Variants in KLHL29 observed in about 807,000 individuals in gnomAD.
KLHL29 encodes the protein kelch like family member 29.
Under a neutral mutation model 80.4 loss-of-function variants are expected in KLHL29, and 21 were observed. The observed-to-expected ratio is 0.26, with a 90% CI of 0.19 to 0.38. KLHL29 has a LOEUF of 0.38. Among genes scored for constraint, KLHL29 ranks in the 10% least tolerant of loss-of-function variants. KLHL29 has a pLI of 1.00. For missense variants in KLHL29, 867 were observed against 1,223.9 expected (o/e 0.71, Z 4.35); for synonymous variants, 511 against 526.8 (o/e 0.97, Z 0.41).
chr2:23,584,043 G>C (rs1235298486), intron 3 of KLHL29, among the ~76,000 whole-genome samples: 1 of 152,076 alleles, frequency 6.6e-6, no homozygotes, highest in Non-Finnish European at 1.5e-5. Flanking sequence ...ATCCACGGTG[G>C]GCCTTCTAGA....
intron 2 of KLHL29, among the ~76,000 whole-genome samples, chr2:23,512,296 T>G (rs1163140270): frequency 6.6e-6 from 1 of 152,024 alleles, no homozygotes; most frequent in Non-Finnish European, 1.5e-5. Context: ...AAATACAAAA[T>G]TAGCTGGGCA....
chr2:23,613,712 C>T (rs1031558571), intron 3 of KLHL29, among the ~76,000 whole-genome samples: 2 of 138,746 alleles, frequency 1.4e-5, no homozygotes, highest in Non-Finnish European at 3.0e-5. Context: ...TGCAGTGAGC[C>T]GAGATCGCGC....
chr2:23,464,468 G>T (rs1664295526), intron 1 of KLHL29, among the ~76,000 whole-genome samples: 1 of 152,180 alleles, frequency 6.6e-6, no homozygotes. Context: ...TCCCCAGTGG[G>T]TGAGATTGGC....
chr2:23,499,802 C>T (rs1665385545), intron 2 of KLHL29, among the ~76,000 whole-genome samples: 1 of 152,212 alleles, frequency 6.6e-6, no homozygotes, highest in Non-Finnish European at 1.5e-5. Flanking sequence ...GTGTTTATGA[C>T]ACATCTTCCT....
At chr2:23,573,066 C>T (rs1255082171) in intron 3 of KLHL29, among the ~76,000 whole-genome samples, 4 of 32,440 alleles carry the variant, frequency 1.2e-4, no homozygotes, top group East Asian at 9.8e-4. Flanking sequence ...TGAAGCCTCA[C>T]GGGTTCGTAG....
chr2:23,643,330 AGCACTGCCCAAG>A (rs1202010419), intron 5 of KLHL29: 2 of 294,152 alleles, frequency 6.8e-6, no homozygotes, highest in African/African-American at 4.3e-5. Flanking sequence ...ATCGGATGAG[AGCACTGCCCAAG>A]GCAATTTAGT....
chr2:23,517,443 T>A (rs1358206967), intron 2 of KLHL29, among the ~76,000 whole-genome samples: 2 of 152,174 alleles, frequency 1.3e-5, no homozygotes, highest in Non-Finnish European at 2.9e-5. Context: ...CTCAGGAGGC[T>A]GAGGTAGGAG....
intron 11 of KLHL29, among the ~76,000 whole-genome samples, chr2:23,698,945 C>A (rs1408596245): frequency 6.6e-6 from 1 of 152,238 alleles, no homozygotes; most frequent in Non-Finnish European, 1.5e-5. Context: ...TCTCCCAGCT[C>A]CTTCTGCAGG....
chr2:23,480,217 T>G (rs1664750823), intron 2 of KLHL29, among the ~76,000 whole-genome samples: 1 of 152,204 alleles, frequency 6.6e-6, no homozygotes, highest in Admixed American at 6.5e-5. Context: ...CCGGCCGTGG[T>G]GGCTCACGCC....
At chr2:23,617,242 A>G (rs1669042624) in intron 3 of KLHL29, 1 of 152,198 alleles carries the variant, frequency 6.6e-6, no homozygotes, top group Admixed American at 6.5e-5. Context: ...ATCACCAGGC[A>G]GAGAAGCTTC....
Position 23,596,626 on chromosome 2 carries a change from C to T in KLHL29, c.285+34145C>T, listed in dbSNP as rs1052047742. Reference sequence around the variant, plus strand: ...GGCGGGAACACATCATGTCTGGGGACGTATGCTGCCATCGTGGGAATGTGC... The same window carrying T: ...GGCGGGAACACATCATGTCTGGGGATGTATGCTGCCATCGTGGGAATGTGC... On this transcript the variant is annotated intron_variant, in intron 3 of 13. Coordinates refer to ENST00000486442, the MANE Select transcript of KLHL29 (RefSeq NM_052920.2). This position sits in a 1 kb window ranked among gnomAD's most constrained non-coding sequence, Gnocchi z 4.4. 1.3e-5 allele frequency among the ~76,000 whole-genome samples: 2 copies of T among 152,156 alleles called. No homozygotes were observed.
At position 23,684,582 on chromosome 2, in the gene KLHL29, A is replaced by G; in HGVS notation, c.1079+45A>G. On this transcript the variant is annotated intron_variant, in intron 6 of 13. Coordinates refer to ENST00000486442, the MANE Select transcript of KLHL29 (RefSeq NM_052920.2). This position sits in a 1 kb window ranked among gnomAD's most constrained non-coding sequence, Gnocchi z 4.4. ...GTGGTCGGGTCTGTTCCTTTGTAGG[A>G]CGCTTTTGTGTCGCTTTTCTCTTCC... The G allele has an allele frequency of 6.7e-7, 1 of 1,489,914 alleles. No individual in the cohort carries two copies. The highest frequency in any genetic ancestry group is 9.0e-7 in the Non-Finnish European group (1 of 1,117,158). 92.3% of individuals were successfully genotyped at this position (1,489,914 alleles called of 1,614,324 possible).
intron 2 of KLHL29, among the ~76,000 whole-genome samples, chr2:23,508,916 G>A (rs1009962142): frequency 1.3e-5 from 2 of 152,168 alleles, no homozygotes; most frequent in Non-Finnish European, 2.9e-5. Flanking sequence ...TTCAATCCTG[G>A]CTCTGTCACT....
intron 2 of KLHL29, among the ~76,000 whole-genome samples, chr2:23,511,602 A>T (rs548091506): frequency 6.6e-6 from 1 of 152,238 alleles, no homozygotes; most frequent in East Asian, 1.9e-4. Flanking sequence ...CTGGATAAAA[A>T]CTTATCTCAG....
chr2:23,454,967 A>C (rs1260394193), intron 1 of KLHL29, among the ~76,000 whole-genome samples: 1 of 142,538 alleles, frequency 7.0e-6, no homozygotes, highest in Non-Finnish European at 1.5e-5. Context: ...CTGTCAGCTG[A>C]ATTTGACAAC....
intron 2 of KLHL29, among the ~76,000 whole-genome samples, chr2:23,507,870 C>T (rs1291579025): frequency 6.6e-6 from 1 of 152,236 alleles, no homozygotes; most frequent in Non-Finnish European, 1.5e-5. Flanking sequence ...CCTGATCTTC[C>T]ATGGCTCTAT....
intron 1 of KLHL29, among the ~76,000 whole-genome samples, chr2:23,463,089 T>G (rs879256621): frequency 3.8e-4 from 50 of 132,992 alleles, no homozygotes; most frequent in Non-Finnish European, 6.2e-4. Context: ...TTCAGTGTAG[T>G]TTTTTTTTTT....
At chr2:23,474,621 C>CT (rs1408923508) in intron 1 of KLHL29, among the ~76,000 whole-genome samples, 2 of 152,112 alleles carry the variant, frequency 1.3e-5, no homozygotes, top group Non-Finnish European at 1.5e-5. Context: ...ACGTGCATCT[C>CT]TATCAGCGGC....
intron 2 of KLHL29, among the ~76,000 whole-genome samples, chr2:23,529,078 G>A (rs751765963): frequency 1.3e-5 from 2 of 152,210 alleles, no homozygotes; most frequent in Non-Finnish European, 2.9e-5. Flanking sequence ...ACGTAGGGCC[G>A]AAGTATATAG....
Sources: gnomAD v4.1 joint callset for allele counts (sites outside exome capture counted in the v4.1 genomes callset) on GRCh38, gnomAD v4.1.1 for gene constraint, Gnocchi (gnomAD v3.1) non-coding constraint, MANE v1.5 for transcripts, NCBI Gene and HGNC (gene_info 2026-07-23, HGNC 2026-07-21) for gene names.